The following DNAJB1 variants were observed in gnomAD, a reference collection of about 807,000 sequenced individuals.
The protein encoded by DNAJB1 is dnaJ homolog subfamily B member 1.
DNAJB1 carries 14 observed loss-of-function variants against 24.0 expected under a neutral mutation model. The ratio of observed to expected loss-of-function variants is 0.58; its 90% CI spans 0.39 to 0.91. The LOEUF (loss-of-function observed/expected upper bound fraction) is 0.91, where lower values mean the gene tolerates loss of function less well. Among genes scored for constraint, DNAJB1 ranks in the 40% least tolerant of loss-of-function variants. The pLI is 0.00. For synonymous variants in DNAJB1, 262 were observed against 174.4 expected, an observed-to-expected ratio of 1.50 and a Z score of -3.96; for missense variants, 517 against 458.1, an observed-to-expected ratio of 1.13 and a Z score of -1.17.
At chr19:14,525,813 A>G (rs2072414734) in intron 2 of DNAJB1, among the ~76,000 whole-genome samples, 1 of 152,030 alleles carries the variant, frequency 6.6e-6, no homozygotes, top group Admixed American at 6.6e-5. Flanking sequence ...TGAAAAAAAA[A>G]AAAAGAAGGA....
rs2146524109 is a variant in DNAJB1, at chr19:14,518,157, C to T, written c.193G>A (p.Asp65Asn). The T allele has an allele frequency of 6.3e-7, 1 of 1,580,938 alleles. No homozygotes were observed. The highest frequency in any genetic ancestry group is 1.4e-5 in the African/African-American group (1 of 73,014). Residue 65 changes from aspartate (D) to asparagine (N), a missense_variant, in exon 1 of 3, where the codon GAC becomes AAC. Coordinates refer to ENST00000254322, the MANE Select transcript of DNAJB1 (RefSeq NM_006145.3). ...CACACACCTTCCTCCCCGTAGCGGT[C>T]GAAGATCTCGCGCTTGCGCGGGTCG... ...LSDPRKREIF[D>N]RYGEEGLKGS...
chr19:14,556,750 A>G (rs1479920921), intron 1 of DNAJB1, among the ~76,000 whole-genome samples: 1 of 152,212 alleles, frequency 6.6e-6, no homozygotes, highest in African/African-American at 2.4e-5. Context: ...CGTCCCTGAC[A>G]TCGGCTTTGG....
At chr19:14,544,572 G>T (rs1316892536) in intron 1 of DNAJB1, among the ~76,000 whole-genome samples, 1 of 131,112 alleles carries the variant, frequency 7.6e-6, no homozygotes, top group East Asian at 2.1e-4. Flanking sequence ...GGTGATAGTA[G>T]CAGAGGGTTC....
In DNAJB1 at chr19:14,544,520, G is replaced by A. The variant is rs142652680; in HGVS notation, c.-214+5688C>T. On this transcript the variant is annotated intron_variant, in intron 1 of 3. Transcript: ENST00000676982. ...TGCGGCCATTCTATGGGACTGGCAG[G>A]TCTGGCTTTGAGTGCGGGTCCTGAG... is the stretch of plus-strand genomic sequence containing the variant. Among the ~76,000 whole-genome samples, 492 of 152,210 alleles carry A rather than the reference G, an allele frequency of 3.2e-3. 2 individuals are homozygous for A. The highest frequency in any genetic ancestry group is 5.1e-3 in the Non-Finnish European group (347 of 68,002).
intron 1 of DNAJB1, among the ~76,000 whole-genome samples, chr19:14,539,459 C>G (rs1171928765): frequency 6.6e-6 from 1 of 152,092 alleles, no homozygotes. Flanking sequence ...TCACAGCTGC[C>G]TCACCTAGGA....
upstream of DNAJB1, among the ~76,000 whole-genome samples, chr19:14,552,564 C>T (rs1435362022): frequency 1.4e-5 from 2 of 146,384 alleles, no homozygotes; most frequent in African/African-American, 5.1e-5. Context: ...AGAGGAGTCT[C>T]GTTCTGTCGC....
At chr19:14,557,663 G>T (rs2073778010) in intron 1 of DNAJB1, among the ~76,000 whole-genome samples, 1 of 151,720 alleles carries the variant, frequency 6.6e-6, no homozygotes, top group Non-Finnish European at 1.5e-5. Context: ...TGTTGTCCAG[G>T]CTGGTCTTGA....
chr19:14,529,258 C>T (rs2072516589), exon 1 of DNAJB1: 2 of 317,132 alleles, frequency 6.3e-6, no homozygotes, highest in Non-Finnish European at 1.3e-5. Flanking sequence ...TGCTGCCTTG[C>T]CTGTCACTCA....
chr19:14,541,532 C>T (rs1358284847), intron 1 of DNAJB1, among the ~76,000 whole-genome samples: 1 of 152,188 alleles, frequency 6.6e-6, no homozygotes, highest in East Asian at 1.9e-4. Context: ...CATGTTTTTT[C>T]CCTCTTATCA....
At chr19:14,550,397 C>T (rs1194386926), upstream of DNAJB1, among the ~76,000 whole-genome samples, 4 of 152,102 alleles carry the variant, frequency 2.6e-5, no homozygotes, top group South Asian at 2.1e-4. Context: ...CTGCTGGACT[C>T]GGGCAGTCGG....
upstream of DNAJB1, chr19:14,529,928 G>T: frequency 1.5e-6 from 1 of 673,276 alleles, no homozygotes; most frequent in South Asian, 1.9e-5. Flanking sequence ...GCTGTTTTGG[G>T]GGTACTTTTT....
upstream of DNAJB1, among the ~76,000 whole-genome samples, chr19:14,519,261 C>G (rs2072334978): frequency 3.9e-5 from 6 of 152,138 alleles, no homozygotes; most frequent in South Asian, 1.2e-3. Context: ...CCCAGCTACT[C>G]AGGAGATTGA....
chr19:14,558,079 T>C (rs1382998017), intron 1 of DNAJB1, among the ~76,000 whole-genome samples: 1 of 152,144 alleles, frequency 6.6e-6, no homozygotes, highest in East Asian at 1.9e-4. Context: ...ATAAGATTTA[T>C]CCTAAACTGG....
chr19:14,518,494 G>C (rs1448408140), upstream of DNAJB1: 11 of 619,210 alleles, frequency 1.8e-5, no homozygotes, highest in Non-Finnish European at 2.5e-5. Flanking sequence ...CGCCCCCGCG[G>C]CGCCGGCCAA....
upstream of DNAJB1, chr19:14,532,133 C>T (rs957031617): frequency 1.3e-5 from 2 of 152,022 alleles, no homozygotes; most frequent in African/African-American, 4.8e-5. Context: ...ATAAAGTAGG[C>T]CTCTGAGCAC....
At chr19:14,536,430 C>T (rs370948104) in intron 1 of DNAJB1, among the ~76,000 whole-genome samples, 27 of 151,954 alleles carry the variant, frequency 1.8e-4, no homozygotes, top group African/African-American at 6.5e-4. Context: ...CCACCACGCC[C>T]GGCTAATTTT....
chr19:14,515,994 G>A lies in DNAJB1; in HGVS notation c.969C>T (p.Pro323=), dbSNP rs371146880. ...DLIIEFEVIF[P]ERIPQTSRTV... ...TTCTTGATGTCTGGGGAATCCTTTC[G>A]GGGAAGATCACTTCAAACTCAATAA... Residue 323 remains proline, a synonymous_variant, in exon 3 of 3, where the codon CCC becomes CCT. Transcript: ENST00000254322. The A allele has an allele frequency of 3.5e-5, 57 of 1,610,090 alleles. 1 individual carries two copies. The highest frequency in any genetic ancestry group is 8.9e-5 in the East Asian group (4 of 44,834).
In DNAJB1 at chr19:14,516,451, C is replaced by T. The variant is rs1424531166; in HGVS notation, c.792+15G>A. 3.1e-6 allele frequency: 5 copies of T among 1,607,190 alleles called. No individual in the cohort carries two copies. The highest frequency in any genetic ancestry group is 4.3e-6 in the Non-Finnish European group (5 of 1,175,334). On this transcript the variant is annotated intron_variant, in intron 2 of 2. Transcript: ENST00000254322. ...CCATCGCCCTCTACAGACACCGCCC[C>T]ACCTGGCACCTTACCTCCCGGAGGC... is the stretch of plus-strand genomic sequence containing the variant.
chr19:14,525,054 T>C (rs1208219586), intron 2 of DNAJB1, among the ~76,000 whole-genome samples: 1 of 151,796 alleles, frequency 6.6e-6, no homozygotes, highest in African/African-American at 2.4e-5. Context: ...ACCAACATGG[T>C]GAAATTCCGT....
Sources: allele counts gnomAD v4.1 joint callset (sites outside exome capture counted in the v4.1 genomes callset), GRCh38; gene constraint gnomAD v4.1.1; transcripts MANE v1.5; gene names NCBI Gene and HGNC (gene_info 2026-07-23, HGNC 2026-07-21).